NR5A2: variants seen among roughly 807,000 people sequenced by gnomAD.
The protein encoded by NR5A2 is nuclear receptor subfamily 5 group A member 2, also known as CYP7A promoter-binding factor.
A neutral mutation model predicts 62.7 loss-of-function variants in NR5A2; 26 were observed. The observed-to-expected ratio is 0.41, with a 90% CI of 0.30 to 0.58. NR5A2 has a LOEUF of 0.58. NR5A2 is among the 20% of genes least tolerant of loss of function. NR5A2 has a pLI of 0.22. For missense variants in NR5A2, 541 were observed against 669.1 expected (o/e 0.81, Z 2.11); for synonymous variants, 246 against 241.7 (o/e 1.02, Z -0.16).
intron 5 of NR5A2, among the ~76,000 whole-genome samples, chr1:200,098,037 A>G (rs1250487149): frequency 6.6e-6 from 1 of 152,228 alleles, no homozygotes; most frequent in Non-Finnish European, 1.5e-5. Flanking sequence ...AATATTTGTC[A>G]AAACTTGTGC....
At chr1:200,123,152 C>A (rs1368418647) in intron 7 of NR5A2, among the ~76,000 whole-genome samples, 1 of 152,144 alleles carries the variant, frequency 6.6e-6, no homozygotes, top group Non-Finnish European at 1.5e-5. Context: ...ATTTTTGTCT[C>A]AGCCCAGCCT....
Position 200,111,336 on chromosome 1 carries a change from C to CAAAAAAA in NR5A2, c.1230+24_1230+30dup, listed in dbSNP as rs76894039. ...CTGGGCAACAAGTGAGTGTAGAGAC[C>CAAAAAAA]AAAAAAAAAAAAAAAGCATCTTTTT... On this transcript the variant is annotated intron_variant, in intron 6 of 7. Transcript: ENST00000367362. 5.7e-6 allele frequency: 8 copies of CAAAAAAA among 1,407,840 alleles called. No individual in the cohort carries two copies. The African/African-American group carries it at 1.3e-4, about 23-fold the overall frequency. The allele number at this position is 1,407,840 out of a possible 1,614,324, so 87.2% of individuals were successfully genotyped here. A position where few individuals can be genotyped will look rare whatever the true frequency, so the allele number is the denominator to read the frequency against.
chr1:200,111,116 T>C lies in NR5A2; in HGVS notation c.1111-86T>C, dbSNP rs1415027925. On this transcript the variant is annotated intron_variant, in intron 5 of 7. Coordinates refer to ENST00000367362, the MANE Select transcript of NR5A2 (RefSeq NM_205860.3). The stretch of plus-strand genomic sequence containing the variant: ...CTTGTTTATATGTAGTCCTCTTATG[T>C]TGAAAATTACACAAAAACAAAAAAG... The C allele has an allele frequency of 2.7e-6, 4 of 1,497,116 alleles. No homozygotes were observed. In the African/African-American group the frequency reaches 5.6e-5, roughly 21 times the overall value. The allele number at this position is 1,497,116 out of a possible 1,614,324, so 92.7% of individuals were successfully genotyped here.
intron 7 of NR5A2, among the ~76,000 whole-genome samples, chr1:200,158,864 G>C (rs1009600433): frequency 6.6e-6 from 1 of 150,968 alleles, no homozygotes; most frequent in African/African-American, 2.4e-5. Context: ...ATCCTATTCT[G>C]CATTCTGGTA....
At chr1:200,165,764 G>A (rs1314147481) in intron 7 of NR5A2, among the ~76,000 whole-genome samples, 1 of 152,130 alleles carries the variant, frequency 6.6e-6, no homozygotes, top group African/African-American at 2.4e-5. Context: ...GGACATTTTG[G>A]TTACTTTCAA....
intron 5 of NR5A2, among the ~76,000 whole-genome samples, chr1:200,072,052 G>T (rs565407575): frequency 2.8e-4 from 43 of 152,108 alleles, no homozygotes; most frequent in Non-Finnish European, 5.3e-4. Context: ...TGTTTGGTAT[G>T]ACTATCTTCA....
chr1:200,176,369 G>T lies in NR5A2; in HGVS notation c.*2159G>T, dbSNP rs1654419034. On this transcript the variant is annotated 3_prime_UTR_variant, in exon 8 of 8. Transcript: ENST00000367362. ...GTACACATTAGGTAAGCTGGGCGTT[G>T]ACTCATGCGCAGTCTCAGTCACCCG... is the stretch of plus-strand genomic sequence containing the variant. The T allele has an allele frequency of 6.6e-6, 1 of 152,600 alleles. No homozygotes were observed. Among genetic ancestry groups the T allele is most frequent in the African/African-American group, 2.4e-5 (1 of 41,436 alleles). 9.5% of individuals were successfully genotyped at this position (152,600 alleles called of 1,614,324 possible).
intron 5 of NR5A2, among the ~76,000 whole-genome samples, chr1:200,069,181 T>G (rs1237509094): frequency 6.6e-6 from 1 of 151,682 alleles, no homozygotes; most frequent in African/African-American, 2.4e-5. Context: ...ATTTTTAATA[T>G]GTATATCAAA....
chr1:200,154,624 C>A (rs1224312851), intron 7 of NR5A2, among the ~76,000 whole-genome samples: 1 of 152,186 alleles, frequency 6.6e-6, no homozygotes, highest in South Asian at 2.1e-4. Context: ...GAGGCTGAGG[C>A]AGGAGGAACA....
chr1:200,124,132 T>C (rs1249706990), intron 7 of NR5A2, among the ~76,000 whole-genome samples: 1 of 152,096 alleles, frequency 6.6e-6, no homozygotes, highest in African/African-American at 2.4e-5. Context: ...TCCATGTGGT[T>C]GGACTGAGAT....
chr1:200,047,866 C>T (rs1662442550), intron 4 of NR5A2, among the ~76,000 whole-genome samples: 1 of 152,148 alleles, frequency 6.6e-6, no homozygotes, highest in Non-Finnish European at 1.5e-5. Context: ...GTGTGAGCCA[C>T]CGCACCACGC....
intron 7 of NR5A2, among the ~76,000 whole-genome samples, chr1:200,142,476 G>A (rs1271320468): frequency 3.3e-5 from 5 of 151,742 alleles, no homozygotes; most frequent in African/African-American, 7.3e-5. Context: ...GATTATAGGC[G>A]TGAGCCACTG....
chr1:200,120,812 A>T lies in NR5A2; in HGVS notation c.1235A>T (p.Asp412Val). 6 of 1,547,182 alleles carry T rather than the reference A, an allele frequency of 3.9e-6. No individual in the cohort carries two copies. The highest frequency in any genetic ancestry group is 5.2e-6 in the Non-Finnish European group (6 of 1,151,650). ...SIFLVTGQQV[D>V]YSIIASQAGA... ...AACTGTGATTCTGTATTGCAGGTGGACTATTCCATAATAGCATCACAAGCC... is the reference window on the plus strand; with the variant it reads ...AACTGTGATTCTGTATTGCAGGTGGTCTATTCCATAATAGCATCACAAGCC... Residue 412 changes from aspartate to valine, a missense_variant, in exon 7 of 8, where the codon GAC becomes GTC. This residue lies in a region of NR5A2 where 379 missense variants were observed against 442.0 expected (regional missense o/e 0.86). Transcript: ENST00000367362.
intron 5 of NR5A2, among the ~76,000 whole-genome samples, chr1:200,069,238 A>G (rs754363798): frequency 6.6e-6 from 1 of 150,972 alleles, no homozygotes; most frequent in Non-Finnish European, 1.5e-5. Flanking sequence ...GTTCTGATGA[A>G]GAATTTATAA....
At chr1:200,112,510 G>T (rs1464896561) in intron 6 of NR5A2, among the ~76,000 whole-genome samples, 1 of 152,130 alleles carries the variant, frequency 6.6e-6, no homozygotes, top group African/African-American at 2.4e-5. Context: ...CCACAGCAAT[G>T]CTATTTGGAA....
chr1:200,095,338 C>T (rs1665036743), intron 5 of NR5A2, among the ~76,000 whole-genome samples: 1 of 152,064 alleles, frequency 6.6e-6, no homozygotes, highest in African/African-American at 2.4e-5. Context: ...TCAGTTTGAA[C>T]TGCTGTGTTC....
At chr1:200,152,223 A>G (rs1653163214) in intron 7 of NR5A2, among the ~76,000 whole-genome samples, 1 of 152,224 alleles carries the variant, frequency 6.6e-6, no homozygotes, top group East Asian at 1.9e-4. Context: ...AGCAAATCCT[A>G]ACAAGTCCTG....
intron 7 of NR5A2, among the ~76,000 whole-genome samples, chr1:200,152,632 T>C (rs1653183432): frequency 1.3e-5 from 2 of 152,212 alleles, no homozygotes; most frequent in African/African-American, 2.4e-5. Context: ...GCATCTGTTT[T>C]GTTTTAGGGG....
At chr1:200,098,550 A>T (rs1172493078) in intron 5 of NR5A2, among the ~76,000 whole-genome samples, 1 of 152,240 alleles carries the variant, frequency 6.6e-6, no homozygotes, top group Non-Finnish European at 1.5e-5. Context: ...CTGGGCTTGG[A>T]TTCAGAACAC....
Sources: gnomAD v4.1 joint callset for allele counts (sites outside exome capture counted in the v4.1 genomes callset) on GRCh38, gnomAD v4.1.1 for gene constraint, gnomAD v4.1.1 regional missense constraint, MANE v1.5 for transcripts, NCBI Gene and HGNC (gene_info 2026-07-23, HGNC 2026-07-21) for gene names.